Variants in CD207 observed in about 807,000 individuals in gnomAD.
The protein encoded by CD207 is CD207 molecule.
A neutral mutation model predicts 31.6 loss-of-function variants in CD207; 28 were observed. The ratio of observed to expected loss-of-function variants is 0.89; its 90% confidence interval spans 0.66 to 1.21. The LOEUF (loss-of-function observed/expected upper bound fraction) is 1.21, where lower values mean the gene tolerates loss of function less well. CD207 is among the 50% of genes most tolerant of loss of function. CD207 has a pLI of 0.00. For missense variants in CD207, 388 were observed against 397.8 expected, an observed-to-expected ratio of 0.98 and a Z score of 0.21; for synonymous variants, 168 against 153.9, an observed-to-expected ratio of 1.09 and a Z score of -0.68.
chr2:70,832,736 C>T (rs1553400039), intron 4 of CD207, among the ~76,000 whole-genome samples, 164 bp downstream of exon 4: 1 of 152,194 alleles, frequency 6.6e-6, no homozygotes, highest in East Asian at 1.9e-4. Context: ...ACAGTGAGCA[C>T]AGCCCCCTTG....
chr2:70,833,473 C>T (rs1677527222), intron 3 of CD207, among the ~76,000 whole-genome samples, 173 bp downstream of exon 3: 1 of 152,098 alleles, frequency 6.6e-6, no homozygotes, highest in African/African-American at 2.4e-5. Context: ...TCCTAACAGC[C>T]CCTAAGTCCT....
intron 3 of CD207, 95 bp downstream of exon 3, chr2:70,833,551 C>T: frequency 5.0e-6 from 7 of 1,389,524 alleles, no homozygotes; most frequent in Non-Finnish European, 6.7e-6. Context: ...CCCCACTCTC[C>T]TCCCCAACCC....
rs1553400939 is a variant in CD207, at chr2:70,835,734, C to G, written c.43G>C (p.Asp15His). The G allele has an allele frequency of 1.9e-6, 3 of 1,613,200 alleles. No individual in the cohort carries two copies. In the South Asian group the frequency reaches 3.3e-5, roughly 18 times the overall value. The change falls in exon 1 of 6, where the codon GAC becomes CAC. Residue 15 changes from aspartate to histidine, a missense_variant. Physicochemically the swap from Asp to His is moderately conservative, Grantham distance 81. Transcript: ENST00000410009. The stretch of plus-strand genomic sequence containing the variant: ...GGCCAGAGGGAGATGTTCTGTTTGT[C>G]CACAGTGAAGTGCGCATCAGGGGCC... ...KEAPDAHFTV[D>H]KQNISLWPRE...
intron 2 of CD207, 45 bp downstream of exon 2, chr2:70,835,446 C>T (rs1297268207): frequency 3.5e-6 from 5 of 1,411,210 alleles, no homozygotes; most frequent in Non-Finnish European, 5.0e-6. Context: ...AGCCGGCTGG[C>T]CACAGAGAGG....
rs1407926923 is a variant in CD207 at position 70,833,802 on chromosome 2, TC to T, written c.408del (p.Ile137SerfsTer4). The T allele has an allele frequency of 3.7e-6, 6 of 1,613,898 alleles. No individual in the cohort carries two copies. The highest frequency in any genetic ancestry group is 4.2e-6 in the Non-Finnish European group (5 of 1,179,882). On this transcript the variant is annotated frameshift_variant, in exon 3 of 6. Coordinates refer to ENST00000410009, the MANE Select transcript of CD207 (RefSeq NM_015717.5). LOFTEE classifies it high-confidence loss of function. ...LKTSVEKANA[Q>X]IQILTRSWEE... is the part of the protein sequence containing the mutation. ...TCCCAACTTCTTGTTAAGATCTGGA[TC>T]TGTGCGTTGGCCTTCTCCACACTGG...
At chr2:70,827,030 C>T (rs1677361254), downstream of CD207, among the ~76,000 whole-genome samples, 1 of 152,116 alleles carries the variant, frequency 6.6e-6, no homozygotes, top group African/African-American at 2.4e-5. Flanking sequence ...CTGTCCCCTG[C>T]TTCACCTCAC....
Position 70,830,966 on chromosome 2 carries a change from T to C in CD207, c.*84A>G. 7.6e-7 allele frequency: 1 copy of C among 1,311,482 alleles called. No individual in the cohort carries two copies. The allele number at this position is 1,311,482 out of a possible 1,614,324, so 81.2% of individuals were successfully genotyped here. A position where few individuals can be genotyped will look rare whatever the true frequency, so the allele number is the denominator to read the frequency against. The stretch of plus-strand genomic sequence containing the variant: ...CAAGAAAAATTAACGTGCAAAGTCA[T>C]CCTGGAGTCTGGGGAAGAAAGAGGC... On this transcript the variant is annotated 3_prime_UTR_variant, in exon 6 of 6. Transcript: ENST00000410009.
chr2:70,830,943 AG>A lies in CD207; in HGVS notation c.*106del, dbSNP rs1677450611. ...GCCACTGTGGGACAATTTTGAAGCA[AG>A]AAAAATTAACGTGCAAAGTCATCCT... On this transcript the variant is annotated 3_prime_UTR_variant, in exon 6 of 6. Coordinates refer to ENST00000410009, the MANE Select transcript of CD207 (RefSeq NM_015717.5). The A allele has an allele frequency of 9.1e-7, 1 of 1,097,452 alleles. No homozygotes were observed. Among genetic ancestry groups the A allele is most frequent in the Non-Finnish European group, 1.3e-6 (1 of 783,174 alleles). 68.0% of individuals were successfully genotyped at this position (1,097,452 alleles called of 1,614,324 possible). A position where few individuals can be genotyped will look rare whatever the true frequency, so the allele number is the denominator to read the frequency against.
intron 2 of CD207, among the ~76,000 whole-genome samples, 178 bp downstream of exon 2, chr2:70,835,313 A>T (rs1366032804): frequency 2.6e-5 from 4 of 152,114 alleles, no homozygotes; most frequent in Non-Finnish European, 4.4e-5. Context: ...AAAGAGCATC[A>T]GCTCACCGTA....
rs782488841 is a variant in CD207, at chr2:70,833,964, C to A, written c.247G>T (p.Gly83Cys). The change falls in exon 3 of 6, where the codon GGT (glycine) becomes TGT (cysteine). Residue 83 changes from glycine to cysteine, a missense_variant. Gly to Cys is a radical substitution (Grantham distance 159). Coordinates refer to ENST00000410009, the MANE Select transcript of CD207 (RefSeq NM_015717.5). ...DVKTNVQLLK[G>C]RVDNISTLDS... ...AGGGTGCTGATGTTGTCCACACGAC[C>A]TTTCAGCAACTGGACATTGGTCTTT... 4 of 1,539,520 alleles carry A rather than the reference C, an allele frequency of 2.6e-6. No homozygotes were observed. Among genetic ancestry groups the A allele is most frequent in the East Asian group, 2.3e-5 (1 of 44,276 alleles).
At chr2:70,834,981 G>C (rs1677572029) in intron 2 of CD207, among the ~76,000 whole-genome samples, 1 of 152,356 alleles carries the variant, frequency 6.6e-6, no homozygotes, top group East Asian at 1.9e-4. Flanking sequence ...ACAGGAGAAT[G>C]AAGACAGCAC....
At chr2:70,827,326 T>C (rs191771750), downstream of CD207, among the ~76,000 whole-genome samples, 1 of 152,132 alleles carries the variant, frequency 6.6e-6, no homozygotes, top group East Asian at 1.9e-4. Context: ...CAGAGATTCA[T>C]TCTGAGACCT....
intron 3 of CD207, 102 bp downstream of exon 3, chr2:70,833,544 C>G (rs965706425): frequency 2.2e-5 from 30 of 1,345,412 alleles, no homozygotes; most frequent in Non-Finnish European, 3.0e-5. Context: ...CTTTTGCCCC[C>G]ACTCTCCTCC....
chr2:70,825,538 G>GT (rs71398931), downstream of CD207, among the ~76,000 whole-genome samples: 1 of 150,058 alleles, frequency 6.7e-6, no homozygotes. Context: ...ATAATATAAA[G>GT]TTTTTAAAAA....
At chr2:70,824,962 T>C in the CD207 span, among the ~76,000 whole-genome samples, 5 of 152,122 alleles carry the variant, frequency 3.3e-5, no homozygotes, top group Non-Finnish European at 7.3e-5. Flanking sequence ...AAAAGTTCAG[T>C]ACAGGAAAAG....
Position 70,833,035 on chromosome 2 carries a change from C to A in CD207, c.582G>T (p.Val194=). 7 of 1,613,884 alleles carry A rather than the reference C, an allele frequency of 4.3e-6. No individual in the cohort carries two copies. Among genetic ancestry groups the A allele is most frequent in the Non-Finnish European group, 5.9e-6 (7 of 1,179,828 alleles). The stretch of plus-strand genomic sequence containing the variant: ...TGAAGTACTTCCAGCCTTGAGAAAC[C>A]ACCTGTAGAATATCATCTAGAGAAC... The part of the protein sequence containing the change: ...LLKRQNDILQ[V]VSQGWKYFKG... Residue 194 remains valine, a synonymous_variant, in exon 4 of 6, where the codon GTG becomes GTT. Coordinates refer to ENST00000410009, the MANE Select transcript of CD207 (RefSeq NM_015717.5).
At chr2:70,835,457 G>T in intron 2 of CD207, 34 bp downstream of exon 2, 1 of 1,501,240 alleles carries the variant, frequency 6.7e-7, no homozygotes, top group Non-Finnish European at 9.3e-7. Flanking sequence ...CACAGAGAGG[G>T]GCTAAGCCCA....
chr2:70,834,320 AT>A (rs1378924538), intron 2 of CD207, among the ~76,000 whole-genome samples: 1 of 151,968 alleles, frequency 6.6e-6, no homozygotes, highest in Non-Finnish European at 1.5e-5. Context: ...CCATTCCTGA[AT>A]TTTCTGAGTG....
Position 70,833,759 on chromosome 2 carries a change from T to A in CD207, c.452A>T (p.Asn151Ile). 1 of 1,614,032 alleles carries A rather than the reference T, an allele frequency of 6.2e-7. No individual in the cohort carries two copies. The highest frequency in any genetic ancestry group is 8.5e-7 in the Non-Finnish European group (1 of 1,179,900). Reference sequence around the variant, plus strand: ...ACTTTTTAACTCTGGGATTTGGGCATTTAAGGTACTGACTTCTTCCCAACT... The same window carrying A: ...ACTTTTTAACTCTGGGATTTGGGCAATTAAGGTACTGACTTCTTCCCAACT... ...TRSWEEVSTLNAQIPELKSDL... is the reference protein window; with the variant it reads ...TRSWEEVSTLIAQIPELKSDL... The change falls in exon 3 of 6, where the codon AAT becomes ATT. Residue 151 changes from asparagine to isoleucine, a missense_variant. Transcript: ENST00000410009.
Sources: gnomAD v4.1 joint callset for allele counts (sites outside exome capture counted in the v4.1 genomes callset) on GRCh38, gnomAD v4.1.1 for gene constraint, MANE v1.5 for transcripts, NCBI Gene and HGNC (gene_info 2026-07-23, HGNC 2026-07-21) for gene names.